Variants in IQCM observed in about 807,000 individuals in gnomAD.
IQCM encodes the protein IQ motif containing M, also known as IQ domain-containing protein M.
A neutral mutation model predicts 57.6 loss-of-function variants in IQCM; 45 were observed. The ratio of observed to expected loss-of-function variants is 0.78; its 90% CI spans 0.62 to 1.00. IQCM has a LOEUF of 1.00. Ranked by LOEUF, IQCM falls within the 50% of genes least tolerant of loss-of-function variation. IQCM has a pLI of 0.00. For missense variants in IQCM, 468 were observed against 511.6 expected, an observed-to-expected ratio of 0.91 and a Z score of 0.82; for synonymous variants, 148 against 158.9, an observed-to-expected ratio of 0.93 and a Z score of 0.51.
chr4:149,371,625 A>G (rs1298318393), intron 13 of IQCM, among the ~76,000 whole-genome samples: 1 of 152,126 alleles, frequency 6.6e-6, no homozygotes, highest in East Asian at 1.9e-4. Context: ...TGCGATGAAA[A>G]CTAAGATTAG....
Position 149,517,114 on chromosome 4 carries a change from G to GAAAAAAAAAAAAA in IQCM, c.1228+31328_1228+31340dup, listed in dbSNP as rs34555374. ...ATGAAGGTTTGGGTCACTCCACCAG[G>GAAAAAAAAAAAAA]AAAAAAAAAAAAAAAAAAAAAGCCA... On this transcript the variant is annotated intron_variant, in intron 12 of 13. Coordinates refer to ENST00000636793, the MANE Select transcript of IQCM (RefSeq NM_001363507.2). Among the ~76,000 whole-genome samples, 2 of 83,906 alleles carry GAAAAAAAAAAAAA rather than the reference G, an allele frequency of 2.4e-5. 1 individual carries two copies. The allele number at this position is 83,906 out of a possible 152,430, so 55.0% of individuals were successfully genotyped here. A position where few individuals can be genotyped will look rare whatever the true frequency, so the allele number is the denominator to read the frequency against.
intron 9 of IQCM, among the ~76,000 whole-genome samples, chr4:149,565,295 T>A (rs1467433432): frequency 1.3e-5 from 2 of 152,184 alleles, no homozygotes; most frequent in Non-Finnish European, 2.9e-5. Flanking sequence ...ATTTTTATGT[T>A]AAGTTTATTC....
At chr4:149,682,483 G>A (rs142601946) in intron 6 of IQCM, among the ~76,000 whole-genome samples, 1 of 151,044 alleles carries the variant, frequency 6.6e-6, no homozygotes, top group Non-Finnish European at 1.5e-5. Context: ...AAATGAACAA[G>A]CATCATATCT....
At position 149,598,426 on chromosome 4, in the gene IQCM, G is replaced by T. The variant is rs554787969; in HGVS notation, c.682-10429C>A. Among the ~76,000 whole-genome samples, 74 of 152,102 alleles carry T rather than the reference G, an allele frequency of 4.9e-4. 1 individual carries two copies. The South Asian group carries it at 0.015, about 32-fold the overall frequency. On this transcript the variant is annotated intron_variant, in intron 8 of 13. Transcript: ENST00000636793. ...ATAAAAACAAAAATATAAATGCCAA[G>T]CTAGCAGAAATGAAAGATAGCACAA...
At chr4:149,365,141 G>C (rs1432091779) in intron 13 of IQCM, among the ~76,000 whole-genome samples, 2 of 152,028 alleles carry the variant, frequency 1.3e-5, no homozygotes, top group Admixed American at 6.6e-5. Context: ...TGATTCCTTG[G>C]ATAAATAGAT....
chr4:149,386,617 T>C (rs1361465449), intron 13 of IQCM, among the ~76,000 whole-genome samples: 8 of 152,084 alleles, frequency 5.3e-5, no homozygotes, highest in Admixed American at 3.3e-4. Context: ...CCCAAAAAAC[T>C]ATCTTTTATA....
At chr4:149,532,395 A>G (rs2149855016) in intron 12 of IQCM, among the ~76,000 whole-genome samples, 1 of 152,102 alleles carries the variant, frequency 6.6e-6, no homozygotes, top group Non-Finnish European at 1.5e-5. Context: ...CACACAGAAT[A>G]CTCATGAATA....
intron 8 of IQCM, among the ~76,000 whole-genome samples, chr4:149,612,454 TACA>T (rs1258982683): frequency 1.3e-5 from 2 of 152,178 alleles, no homozygotes; most frequent in Non-Finnish European, 2.9e-5. Flanking sequence ...GACACAGATT[TACA>T]ACCTTTGTGA....
intron 13 of IQCM, among the ~76,000 whole-genome samples, chr4:149,431,109 A>C (rs548252188): frequency 1.3e-5 from 2 of 151,888 alleles, no homozygotes; most frequent in African/African-American, 4.8e-5. Context: ...GGTGGTTGAG[A>C]CACAAGAATC....
intron 13 of IQCM, among the ~76,000 whole-genome samples, chr4:149,404,244 G>T (rs959119873): frequency 6.6e-6 from 1 of 152,008 alleles, no homozygotes; most frequent in African/African-American, 2.4e-5. Flanking sequence ...AACCCCAGCT[G>T]CCACGCCTTT....
At chr4:149,656,535 A>T (rs2150144020) in intron 7 of IQCM, among the ~76,000 whole-genome samples, 1 of 152,292 alleles carries the variant, frequency 6.6e-6, no homozygotes, top group Non-Finnish European at 1.5e-5. Flanking sequence ...CCTGCATGAA[A>T]TTGAATCTAT....
chr4:149,768,201 T>C (rs1406287364), intron 2 of IQCM, among the ~76,000 whole-genome samples: 1 of 152,154 alleles, frequency 6.6e-6, no homozygotes, highest in Non-Finnish European at 1.5e-5. Flanking sequence ...TTAGATTAAA[T>C]TGTTAGTAAT....
chr4:149,575,913 A>G lies in IQCM; in HGVS notation c.749+12017T>C, dbSNP rs186549347. Among the ~76,000 whole-genome samples the G allele has an allele frequency of 4.6e-5, 7 of 151,870 alleles. No individual in the cohort carries two copies. The East Asian group carries it at 1.4e-3, about 30-fold the overall frequency. ...GAGGGGTCTTATTGTTATTACAGCT[A>G]CTGCTGCTGCTTGGTTTCAATTTTC... On this transcript the variant is annotated intron_variant, in intron 9 of 13. Coordinates refer to ENST00000636793, the MANE Select transcript of IQCM (RefSeq NM_001363507.2).
At position 149,548,547 on chromosome 4, in the gene IQCM, A is replaced by T; in HGVS notation, c.1136T>A (p.Ile379Asn). 1 of 1,230,918 alleles carries T rather than the reference A, an allele frequency of 8.1e-7. No individual in the cohort carries two copies. The highest frequency in any genetic ancestry group is 1.0e-6 in the Non-Finnish European group (1 of 986,880). 76.2% of individuals were successfully genotyped at this position (1,230,918 alleles called of 1,614,324 possible). A position where few individuals can be genotyped will look rare whatever the true frequency, so the allele number is the denominator to read the frequency against. Residue 379 changes from isoleucine to asparagine, a missense_variant, in exon 12 of 14, where the codon ATT (isoleucine) becomes AAT (asparagine). By Grantham distance (149) the Ile-to-Asn change is moderately radical. Coordinates refer to ENST00000636793, the MANE Select transcript of IQCM (RefSeq NM_001363507.2). ...MFAKREDWPKIERNELPNFFS... is the reference protein window; with the variant it reads ...MFAKREDWPKNERNELPNFFS... ...GAAATTGGGGAGCTCATTTCTTTCAATTTTTGGCCAATCTTCCCTCTTAGC... is the reference window on the plus strand; with the variant it reads ...GAAATTGGGGAGCTCATTTCTTTCATTTTTTGGCCAATCTTCCCTCTTAGC...
chr4:149,739,924 T>C (rs920670932), intron 3 of IQCM, among the ~76,000 whole-genome samples: 32 of 152,198 alleles, frequency 2.1e-4, no homozygotes, highest in African/African-American at 6.5e-4. Context: ...TTAGAGGTTC[T>C]ACATAGTTGC....
At chr4:149,702,694 G>C (rs1763863357) in intron 5 of IQCM, among the ~76,000 whole-genome samples, 2 of 151,874 alleles carry the variant, frequency 1.3e-5, no homozygotes, top group East Asian at 3.9e-4. Flanking sequence ...ACATTTTTAG[G>C]CATGCTCTGA....
chr4:149,786,919 G>A (rs1429471524), intron 2 of IQCM, among the ~76,000 whole-genome samples: 1 of 152,134 alleles, frequency 6.6e-6, no homozygotes, highest in East Asian at 1.9e-4. Context: ...CAAAGACATG[G>A]AACCAACCCA....
At chr4:149,465,467 CA>C (rs1331127728) in intron 12 of IQCM, among the ~76,000 whole-genome samples, 1 of 152,084 alleles carries the variant, frequency 6.6e-6, no homozygotes, top group Admixed American at 6.6e-5. Context: ...TCTAAGTACA[CA>C]AAGCTATGCT....
intron 12 of IQCM, among the ~76,000 whole-genome samples, chr4:149,501,615 T>G (rs1743248360): frequency 6.6e-6 from 1 of 152,030 alleles, no homozygotes; most frequent in African/African-American, 2.4e-5. Context: ...TGTAGTAAAT[T>G]ATACAAAAAA....
Sources: gnomAD v4.1 joint callset for allele counts (sites outside exome capture counted in the v4.1 genomes callset) on GRCh38, gnomAD v4.1.1 for gene constraint, MANE v1.5 for transcripts, NCBI Gene and HGNC (gene_info 2026-07-23, HGNC 2026-07-21) for gene names.